Variants in JAK1 observed in about 807,000 individuals in gnomAD.
JAK1 encodes the protein tyrosine-protein kinase JAK1.
Under a neutral mutation model 136.6 loss-of-function variants are expected in JAK1, and 16 were observed. That is an observed-to-expected ratio of 0.12 (90% CI 0.08 to 0.18). The LOEUF (loss-of-function observed/expected upper bound fraction) is 0.18. Among genes scored for constraint, JAK1 ranks in the 10% least tolerant of loss-of-function variants. The pLI, the probability that JAK1 is intolerant of heterozygous loss-of-function variation, is 1.00. For synonymous variants in JAK1, 492 were observed against 519.5 expected, an observed-to-expected ratio of 0.95 and a Z score of 0.72; for missense variants, 859 against 1,450.1, an observed-to-expected ratio of 0.59 and a Z score of 6.62.
intron 2 of JAK1, among the ~76,000 whole-genome samples, chr1:65,015,855 T>G (rs1273905298): frequency 1.3e-5 from 2 of 152,122 alleles, no homozygotes; most frequent in Non-Finnish European, 2.9e-5. Flanking sequence ...TATATATATA[T>G]CCCAAAGAAT....
rs926779881 is a variant in JAK1 at position 64,834,219 on chromosome 1, C to T, written c.*343G>A. ...TCAGATATTATTTTGGTCAACTCCTCGTTTTCAAAAATCCCCTTTTGGTAA... is the reference window on the plus strand; with the variant it reads ...TCAGATATTATTTTGGTCAACTCCTTGTTTTCAAAAATCCCCTTTTGGTAA... On this transcript the variant is annotated 3_prime_UTR_variant, in exon 25 of 25. Transcript: ENST00000342505. 3 of 248,764 alleles carry T rather than the reference C, an allele frequency of 1.2e-5. No individual in the cohort carries two copies. Among genetic ancestry groups the T allele is most frequent in the African/African-American group, 4.4e-5 (2 of 45,760 alleles). 15.4% of individuals were successfully genotyped at this position (248,764 alleles called of 1,614,324 possible).
intron 1 of JAK1, among the ~76,000 whole-genome samples, chr1:64,918,276 C>T (rs1030569632): frequency 2.0e-5 from 3 of 152,152 alleles, no homozygotes; most frequent in African/African-American, 7.2e-5. Flanking sequence ...TATGTTGATA[C>T]ATTTTTCAAT....
At chr1:65,054,578 T>C (rs1647441238) in intron 1 of JAK1, among the ~76,000 whole-genome samples, 1 of 152,130 alleles carries the variant, frequency 6.6e-6, no homozygotes, top group South Asian at 2.1e-4. Flanking sequence ...ATTCCTTTTC[T>C]GTTTAAAAAA....
Position 64,850,820 on chromosome 1 carries a change from T to C in JAK1, c.1739A>G (p.Lys580Arg), listed in dbSNP as rs371342094. The change falls in exon 12 of 25, where the codon AAG (lysine) becomes AGG (arginine). Residue 580 changes from lysine (K) to arginine (R), a missense_variant. Coordinates refer to ENST00000342505, the MANE Select transcript of JAK1 (RefSeq NM_002227.4). The stretch of plus-strand genomic sequence containing the variant: ...GTGACTCACCTGCACCAGATCCTTC[T>C]TGAGGATCCGATCGAAACTCAGCTG... ...MSQLSFDRILKKDLVQGEHLG... is the reference protein window; with the variant it reads ...MSQLSFDRILRKDLVQGEHLG... 1.1e-5 allele frequency: 17 copies of C among 1,613,460 alleles called. No individual in the cohort carries two copies. The South Asian group carries it at 1.6e-4, about 16-fold the overall frequency.
In JAK1 at chr1:64,937,430, C is replaced by T. The variant is rs574923531; in HGVS notation, c.-78+28903G>A. Reference sequence around the variant, plus strand: ...ATGGAGTCATTCAAAATACTAATTCCGAAAGAAGTTTCAAAGGTCCAACGC... The same window carrying T: ...ATGGAGTCATTCAAAATACTAATTCTGAAAGAAGTTTCAAAGGTCCAACGC... On this transcript the variant is annotated intron_variant, in intron 1 of 24. Transcript: ENST00000342505. Among the ~76,000 whole-genome samples the T allele has an allele frequency of 6.2e-4, 94 of 152,226 alleles. No homozygotes were observed. The South Asian group carries it at 0.014, about 22-fold the overall frequency.
intron 1 of JAK1, among the ~76,000 whole-genome samples, chr1:65,063,005 T>C (rs547375163): frequency 6.6e-6 from 1 of 152,304 alleles, no homozygotes; most frequent in Admixed American, 6.5e-5. Context: ...TTCCTTCCAG[T>C]GCAATTTCTG....
intron 1 of JAK1, among the ~76,000 whole-genome samples, chr1:64,954,772 C>T (rs2100595550): frequency 6.6e-6 from 1 of 152,268 alleles, no homozygotes; most frequent in African/African-American, 2.4e-5. Context: ...GATGAGGAGA[C>T]TGAGGCAGAG....
At position 64,856,375 on chromosome 1, in the gene JAK1, T is replaced by C. The variant is rs576445367; in HGVS notation, c.1459-677A>G. 1.2e-3 allele frequency among the ~76,000 whole-genome samples: 179 copies of C among 152,328 alleles called. 1 individual carries two copies. Among genetic ancestry groups the C allele is most frequent in the African/African-American group, 4.2e-3 (173 of 41,568 alleles). ...GATATTCAAAATCTCAGTTACTTCA[T>C]CTGTACAATGGGATAATATCACCTA... On this transcript the variant is annotated intron_variant, in intron 10 of 24. Coordinates refer to ENST00000342505, the MANE Select transcript of JAK1 (RefSeq NM_002227.4).
intron 5 of JAK1, among the ~76,000 whole-genome samples, chr1:64,871,516 G>A (rs1657071284): frequency 6.6e-6 from 1 of 152,102 alleles, no homozygotes; most frequent in African/African-American, 2.4e-5. Flanking sequence ...ATCTCCACTT[G>A]TATGTTTCAC....
intron 1 of JAK1, among the ~76,000 whole-genome samples, chr1:64,912,921 C>T (rs1645309312): frequency 6.6e-6 from 1 of 152,138 alleles, no homozygotes; most frequent in African/African-American, 2.4e-5. Flanking sequence ...ACCTCATACC[C>T]CAAATATTTA....
At position 64,873,433 on chromosome 1, in the gene JAK1, T is replaced by C. The variant is rs1408680323; in HGVS notation, c.420A>G (p.Lys140=). The C allele has an allele frequency of 1.2e-6, 2 of 1,614,080 alleles. No individual in the cohort carries two copies. Among genetic ancestry groups the C allele is most frequent in the Non-Finnish European group, 1.7e-6 (2 of 1,180,046 alleles). The change falls in exon 5 of 25, where the codon AAA becomes AAG. Residue 140 remains lysine (K), a synonymous_variant. Coordinates refer to ENST00000342505, the MANE Select transcript of JAK1 (RefSeq NM_002227.4). ...SPKKQKNGYE[K]KKIPDATPLL... is the part of the protein sequence containing the mutation. ...GAGGGGTTGCATCTGGAATCTTTTT[T>C]TTCTCGTAGCCATTTTTCTGCTTCT...
intron 2 of JAK1, among the ~76,000 whole-genome samples, chr1:65,034,807 C>T (rs1422116204): frequency 6.6e-6 from 1 of 152,170 alleles, no homozygotes; most frequent in East Asian, 1.9e-4. Context: ...GTAATCCCAG[C>T]ACTTTGCGAG....
intron 2 of JAK1, among the ~76,000 whole-genome samples, chr1:65,034,333 A>G (rs1169458045): frequency 6.6e-6 from 1 of 152,224 alleles, no homozygotes; most frequent in Non-Finnish European, 1.5e-5. Context: ...AAGAGCAAGG[A>G]GAATTCATAA....
chr1:64,902,583 A>AGAGAGAGAGAGAGAGTGTGTGTGT lies in JAK1; in HGVS notation c.-77-16243_-77-16242insACACACACACTCTCTCTCTCTCTC. Among the ~76,000 whole-genome samples, 204 of 73,780 alleles carry AGAGAGAGAGAGAGAGTGTGTGTGT rather than the reference A, an allele frequency of 2.8e-3. 1 individual carries two copies. Among genetic ancestry groups the AGAGAGAGAGAGAGAGTGTGTGTGT allele is most frequent in the African/African-American group, 3.6e-3 (58 of 16,204 alleles). 48.4% of individuals were successfully genotyped at this position (73,780 alleles called of 152,430 possible). Reference sequence around the variant, plus strand: ...GAGAGAGAGAGAGAGAGAGAGAGAGAGTGTGTGTGTGTGTGTGTGTGTGTG... The same window carrying AGAGAGAGAGAGAGAGTGTGTGTGT: ...GAGAGAGAGAGAGAGAGAGAGAGAGAGAGAGAGAGAGAGAGTGTGTGTGTGTGTGTGTGTGTGTGTGTGTGTGTG... On this transcript the variant is annotated intron_variant, in intron 1 of 24. Coordinates refer to ENST00000342505, the MANE Select transcript of JAK1 (RefSeq NM_002227.4).
chr1:65,003,044 A>C, intron 2 of JAK1, among the ~76,000 whole-genome samples: 1 of 132,114 alleles, frequency 7.6e-6, no homozygotes, highest in African/African-American at 2.9e-5. Flanking sequence ...TAAGAAAAGC[A>C]TTGGCACCGC....
chr1:64,890,157 T>C (rs1644913283), intron 1 of JAK1, among the ~76,000 whole-genome samples: 1 of 152,140 alleles, frequency 6.6e-6, no homozygotes, highest in South Asian at 2.1e-4. Flanking sequence ...AGACTAAAAA[T>C]CTTAAGCCTT....
Position 64,866,975 on chromosome 1 carries a change from G to T in JAK1, c.881C>A (p.Ser294Ter). The T allele has an allele frequency of 1.2e-6, 2 of 1,614,122 alleles. No individual in the cohort carries two copies. Among genetic ancestry groups the T allele is most frequent in the South Asian group, 1.1e-5 (1 of 91,082 alleles). The change falls in exon 7 of 25, where the codon TCA (serine) becomes TAA (stop). Residue 294 changes from serine (S) to a stop codon, truncating the protein, a stop_gained. Coordinates refer to ENST00000342505, the MANE Select transcript of JAK1 (RefSeq NM_002227.4). LOFTEE classifies it high-confidence loss of function. ...EIFETSMLLI[S>*]SENEMNWFHS... ...AAACCAATTCATCTCATTTTCTGATGAAATCAGTAACATGGAAGTCTCAAA... is the reference window on the plus strand; with the variant it reads ...AAACCAATTCATCTCATTTTCTGATTAAATCAGTAACATGGAAGTCTCAAA...
Position 64,883,382 on chromosome 1 carries a change from G to C in JAK1, c.100C>G (p.Pro34Ala), listed in dbSNP as rs115541740. The C allele has an allele frequency of 4.3e-6, 7 of 1,613,978 alleles. No homozygotes were observed. Among genetic ancestry groups the C allele is most frequent in the Non-Finnish European group, 5.9e-6 (7 of 1,179,864 alleles). Residue 34 changes from proline (P) to alanine (A), a missense_variant, in exon 3 of 25, where the codon CCA becomes GCA. Physicochemically the swap from Pro to Ala is conservative, Grantham distance 27. Around this residue, in one of 4 missense-constraint regions of JAK1, gnomAD observed 353 missense variants for 494.0 expected, o/e 0.71. Transcript: ENST00000342505. ...AGATAGAAGATCACTTCCACCCCTGGCTCAGGGGCCTCCAGGTTCACCTCA... is the reference window on the plus strand; with the variant it reads ...AGATAGAAGATCACTTCCACCCCTGCCTCAGGGGCCTCCAGGTTCACCTCA... ...KTEVNLEAPE[P>A]GVEVIFYLSD...
At chr1:65,017,025 T>G (rs2100782995) in intron 2 of JAK1, among the ~76,000 whole-genome samples, 1 of 152,300 alleles carries the variant, frequency 6.6e-6, no homozygotes, top group East Asian at 1.9e-4. Context: ...TAGGAAAATA[T>G]AAAAATTTTG....
Sources: gnomAD v4.1 joint callset for allele counts (sites outside exome capture counted in the v4.1 genomes callset) on GRCh38, gnomAD v4.1.1 for gene constraint, gnomAD v4.1.1 regional missense constraint, MANE v1.5 for transcripts, NCBI Gene and HGNC (gene_info 2026-07-23, HGNC 2026-07-21) for gene names.